The following OSTF1 variants were observed in gnomAD, a reference collection of about 807,000 sequenced individuals.
The protein encoded by OSTF1 is osteoclast-stimulating factor 1.
Under a neutral mutation model 37.2 loss-of-function variants are expected in OSTF1, and 27 were observed. The observed-to-expected ratio is 0.73, with a 90% confidence interval of 0.54 to 1.00. The LOEUF (loss-of-function observed/expected upper bound fraction) is 1.00, where lower values mean the gene tolerates loss of function less well. Among genes scored for constraint, OSTF1 ranks in the 50% least tolerant of loss-of-function variants. OSTF1 has a pLI of 0.00. For synonymous variants in OSTF1, 82 were observed against 89.2 expected, an observed-to-expected ratio of 0.92 and a Z score of 0.46; for missense variants, 232 against 253.8, an observed-to-expected ratio of 0.91 and a Z score of 0.58.
At chr9:75,127,819 A>C (rs546396552) in intron 3 of OSTF1, among the ~76,000 whole-genome samples, 200 bp downstream of exon 3, 172 of 152,126 alleles carry the variant, frequency 1.1e-3, no homozygotes, top group Non-Finnish European at 1.6e-3. Flanking sequence ...GCTTTGGTCT[A>C]GCCACAAACA....
chr9:75,106,656 A>C (rs906407233), intron 1 of OSTF1, among the ~76,000 whole-genome samples: 1 of 150,100 alleles, frequency 6.7e-6, no homozygotes, highest in African/African-American at 2.5e-5. Flanking sequence ...GAAAAAAAAA[A>C]AAAAAAAAAG....
In OSTF1 at chr9:75,117,562, GT is replaced by G; in HGVS notation, c.81+17del. On this transcript the variant is annotated intron_variant, in intron 2 of 9. Coordinates refer to ENST00000346234, the MANE Select transcript of OSTF1 (RefSeq NM_012383.5). ...TTGAACCCAGAACTGTAAGTGTTCA[GT>G]TTTTAACTTCTAAAATTGACAGAAA... 1 of 1,579,706 alleles carries G rather than the reference GT, an allele frequency of 6.3e-7. No individual in the cohort carries two copies. Among genetic ancestry groups the G allele is most frequent in the Non-Finnish European group, 8.7e-7 (1 of 1,149,764 alleles).
At chr9:75,116,939 T>C (rs1825500095) in intron 1 of OSTF1, among the ~76,000 whole-genome samples, 1 of 152,176 alleles carries the variant, frequency 6.6e-6, no homozygotes, top group African/African-American at 2.4e-5. Context: ...TGAAATACCA[T>C]TCTCCCACAG....
intron 1 of OSTF1, among the ~76,000 whole-genome samples, chr9:75,094,316 C>A (rs1423572393): frequency 7.3e-5 from 11 of 151,396 alleles, no homozygotes; most frequent in Admixed American, 7.2e-4. Context: ...TGCACAGCCA[C>A]TAAATCGTTA....
intron 5 of OSTF1, among the ~76,000 whole-genome samples, chr9:75,132,502 G>T (rs2118588768): frequency 6.6e-6 from 1 of 152,304 alleles, no homozygotes; most frequent in East Asian, 1.9e-4. Flanking sequence ...GGAGAGGCAG[G>T]CGTTGTTGCC....
Position 75,146,672 on chromosome 9 carries a change from C to A in OSTF1, c.587-11C>A. ...TCCCTATTTTGCTTTTTTCCCTCCTCTTTCTTTCAGATGCAGTTCGAACAT... is the reference window on the plus strand; with the variant it reads ...TCCCTATTTTGCTTTTTTCCCTCCTATTTCTTTCAGATGCAGTTCGAACAT... On this transcript the variant is annotated splice_polypyrimidine_tract_variant and intron_variant, in intron 9 of 9. Coordinates refer to ENST00000346234, the MANE Select transcript of OSTF1 (RefSeq NM_012383.5). 1 of 1,602,206 alleles carries A rather than the reference C, an allele frequency of 6.2e-7. No individual in the cohort carries two copies. The highest frequency in any genetic ancestry group is 1.1e-5 in the South Asian group (1 of 89,586).
intron 7 of OSTF1, among the ~76,000 whole-genome samples, chr9:75,137,037 A>G (rs944738748): frequency 1.3e-5 from 2 of 152,130 alleles, no homozygotes; most frequent in Non-Finnish European, 2.9e-5. Flanking sequence ...CCTAGTGTTC[A>G]TGAACTTGGA....
chr9:75,088,603 A>C lies in OSTF1; in HGVS notation c.-90A>C. ...GAGGCGCACGGTTGTAAGCCAGACA[A>C]AAAGAACTGGGGTGCCCGGAGTGCC... On this transcript the variant is annotated 5_prime_UTR_variant, in exon 1 of 10. Transcript: ENST00000346234. 7.1e-7 allele frequency: 1 copy of C among 1,412,250 alleles called. No individual in the cohort carries two copies. Among genetic ancestry groups the C allele is most frequent in the Non-Finnish European group, 9.8e-7 (1 of 1,018,096 alleles). 87.5% of individuals were successfully genotyped at this position (1,412,250 alleles called of 1,614,324 possible). A position where few individuals can be genotyped will look rare whatever the true frequency, so the allele number is the denominator to read the frequency against.
intron 1 of OSTF1, among the ~76,000 whole-genome samples, chr9:75,114,884 AT>A (rs1026539151): frequency 1.3e-5 from 2 of 152,178 alleles, no homozygotes; most frequent in Non-Finnish European, 2.9e-5. Flanking sequence ...GCTTCCATCT[AT>A]TCCTTTCTTC....
At chr9:75,109,212 C>T (rs970687362) in intron 1 of OSTF1, among the ~76,000 whole-genome samples, 1 of 151,900 alleles carries the variant, frequency 6.6e-6, no homozygotes, top group Admixed American at 6.6e-5. Context: ...GAGGTTTCAC[C>T]GTGTCGGCCA....
At chr9:75,103,970 T>A (rs562116971) in intron 1 of OSTF1, among the ~76,000 whole-genome samples, 12 of 152,282 alleles carry the variant, frequency 7.9e-5, no homozygotes, top group Admixed American at 3.3e-4. Flanking sequence ...GGCTCATGCC[T>A]GTAATCCCAC....
chr9:75,110,129 T>C (rs933732448), intron 1 of OSTF1, among the ~76,000 whole-genome samples: 4 of 152,186 alleles, frequency 2.6e-5, no homozygotes, highest in African/African-American at 4.8e-5. Context: ...GGGTTTGCTC[T>C]TGTTGATGTG....
Position 75,088,571 on chromosome 9 carries a change from G to A in OSTF1, c.-122G>A. 1 of 1,071,354 alleles carries A rather than the reference G, an allele frequency of 9.3e-7. No homozygotes were observed. Among genetic ancestry groups the A allele is most frequent in the African/African-American group, 1.6e-5 (1 of 64,088 alleles). The allele number at this position is 1,071,354 out of a possible 1,614,324, so 66.4% of individuals were successfully genotyped here. On this transcript the variant is annotated 5_prime_UTR_variant, in exon 1 of 10. Coordinates refer to ENST00000346234, the MANE Select transcript of OSTF1 (RefSeq NM_012383.5). ...TTCCCGCAGCCAAGGGTGGGCGCCGGTCCTAGGAGGCGCACGGTTGTAAGC... is the reference window on the plus strand; with the variant it reads ...TTCCCGCAGCCAAGGGTGGGCGCCGATCCTAGGAGGCGCACGGTTGTAAGC...
At chr9:75,126,672 C>T (rs957812956) in intron 2 of OSTF1, among the ~76,000 whole-genome samples, 2 of 152,240 alleles carry the variant, frequency 1.3e-5, no homozygotes, top group African/African-American at 4.8e-5. Flanking sequence ...CAGCTCACCG[C>T]AACCTCTGCC....
intron 3 of OSTF1, 63 bp downstream of exon 3, chr9:75,127,682 G>A (rs1486326203): frequency 3.4e-6 from 3 of 876,074 alleles, no homozygotes; most frequent in South Asian, 3.2e-5. Flanking sequence ...CTATAACATT[G>A]TAAGTTATTT....
intron 1 of OSTF1, among the ~76,000 whole-genome samples, chr9:75,093,744 AC>A (rs1404336063): frequency 2.6e-5 from 4 of 152,216 alleles, no homozygotes; most frequent in African/African-American, 9.6e-5. Context: ...TGTATTTTTT[AC>A]CCCAACAAAG....
intron 1 of OSTF1, among the ~76,000 whole-genome samples, chr9:75,089,280 G>A (rs945688788): frequency 6.7e-6 from 1 of 150,366 alleles, no homozygotes; most frequent in African/African-American, 2.5e-5. Flanking sequence ...CCCTATACTC[G>A]CGCTCCTGGT....
At chr9:75,107,769 A>G (rs1482693299) in intron 1 of OSTF1, among the ~76,000 whole-genome samples, 1 of 152,198 alleles carries the variant, frequency 6.6e-6, no homozygotes, top group African/African-American at 2.4e-5. Flanking sequence ...TCCAAAATCT[A>G]CCATTAAGCT....
intron 3 of OSTF1, among the ~76,000 whole-genome samples, chr9:75,129,382 G>A (rs760958916): frequency 7.2e-5 from 11 of 152,154 alleles, no homozygotes; most frequent in Admixed American, 3.9e-4. Context: ...TTTGTTTAAA[G>A]AGGTATTCAG....
Sources: gnomAD v4.1 joint callset for allele counts (sites outside exome capture counted in the v4.1 genomes callset) on GRCh38, gnomAD v4.1.1 for gene constraint, MANE v1.5 for transcripts, NCBI Gene and HGNC (gene_info 2026-07-23, HGNC 2026-07-21) for gene names.